TBC1D4: variants seen among roughly 807,000 people sequenced by gnomAD.
The protein encoded by TBC1D4 is TBC (Tre-2, BUB2, CDC16) domain-containing protein.
TBC1D4 carries 121 observed loss-of-function variants against 142.5 expected under a neutral mutation model. The observed-to-expected ratio is 0.85, with a 90% CI of 0.73 to 0.99. The LOEUF is 0.99. TBC1D4 is among the 50% of genes least tolerant of loss of function. The pLI is 0.00. For synonymous variants in TBC1D4, 630 were observed against 628.2 expected (o/e 1.00, Z -0.04); for missense variants, 1,475 against 1,606.6 (o/e 0.92, Z 1.40).
At chr13:75,458,795 G>A (rs954329099) in intron 1 of TBC1D4, among the ~76,000 whole-genome samples, 1 of 152,078 alleles carries the variant, frequency 6.6e-6, no homozygotes, top group Non-Finnish European at 1.5e-5. Context: ...AGACATAGGA[G>A]TTAGCTAATA....
At chr13:75,302,992 G>A (rs1474331939) in intron 15 of TBC1D4, among the ~76,000 whole-genome samples, 1 of 152,124 alleles carries the variant, frequency 6.6e-6, no homozygotes, top group South Asian at 2.1e-4. Context: ...TTATAATAGA[G>A]AATCAAATAG....
chr13:75,367,808 G>GA (rs1883007195), intron 1 of TBC1D4, among the ~76,000 whole-genome samples: 1 of 152,190 alleles, frequency 6.6e-6, no homozygotes. Flanking sequence ...AGCATTTTGA[G>GA]AAACGATTGA....
intron 13 of TBC1D4, 147 bp downstream of exon 13, chr13:75,312,591 A>G: frequency 9.4e-7 from 1 of 1,069,030 alleles, no homozygotes; most frequent in Non-Finnish European, 1.4e-6. Context: ...TTTTCTAATG[A>G]TACCTGAAAG....
At chr13:75,435,290 T>G (rs1886752775) in intron 1 of TBC1D4, among the ~76,000 whole-genome samples, 1 of 147,604 alleles carries the variant, frequency 6.8e-6, no homozygotes, top group Non-Finnish European at 1.5e-5. Context: ...ATCACGCCAC[T>G]GCACTCCAGC....
chr13:75,378,679 T>TA (rs5804807), intron 1 of TBC1D4, among the ~76,000 whole-genome samples: 40,407 of 151,932 alleles, frequency 0.27, 5,557 homozygotes, highest in East Asian at 0.34. Flanking sequence ...CTATCCAAGA[T>TA]AGGGCCTATT....
chr13:75,408,985 G>T (rs193301315), intron 1 of TBC1D4, among the ~76,000 whole-genome samples: 252 of 151,808 alleles, frequency 1.7e-3, no homozygotes, highest in Middle Eastern at 0.014. Flanking sequence ...ATATATGATT[G>T]CAAACTTACA....
chr13:75,327,727 G>C (rs1879388364), intron 9 of TBC1D4, 25 bp downstream of exon 9: 1 of 1,612,218 alleles, frequency 6.2e-7, no homozygotes, highest in Admixed American at 1.7e-5. Context: ...GTTGCAATTA[G>C]TGTAAACAAG....
At chr13:75,392,163 T>C (rs1238724851) in intron 1 of TBC1D4, among the ~76,000 whole-genome samples, 15 of 152,192 alleles carry the variant, frequency 9.9e-5, no homozygotes, top group Admixed American at 9.8e-4. Context: ...TTTCAACAAA[T>C]ATTTGCTGAA....
At chr13:75,473,118 C>T (rs1156830282) in intron 1 of TBC1D4, among the ~76,000 whole-genome samples, 2 of 152,318 alleles carry the variant, frequency 1.3e-5, no homozygotes, top group Admixed American at 6.5e-5. Context: ...CCTCAGCCTC[C>T]TCCTGGGTAG....
At chr13:75,346,335 C>T (rs1881146441) in intron 5 of TBC1D4, among the ~76,000 whole-genome samples, 1 of 150,502 alleles carries the variant, frequency 6.6e-6, no homozygotes, top group Non-Finnish European at 1.5e-5. Flanking sequence ...ATGTGATGTT[C>T]CCCTCCCTGT....
intron 1 of TBC1D4, among the ~76,000 whole-genome samples, chr13:75,381,105 T>C (rs938477431): frequency 6.6e-6 from 1 of 152,206 alleles, no homozygotes. Context: ...GCACCTAACA[T>C]TGTATCTAAC....
chr13:75,355,459 T>G (rs1319070097), intron 4 of TBC1D4, among the ~76,000 whole-genome samples: 1 of 152,194 alleles, frequency 6.6e-6, no homozygotes, highest in Non-Finnish European at 1.5e-5. Flanking sequence ...CCAATTACCT[T>G]GAACTCTGCA....
intron 18 of TBC1D4, 26 bp from the exon 19 acceptor site, chr13:75,292,297 G>T: frequency 6.3e-7 from 1 of 1,584,154 alleles, no homozygotes; most frequent in Non-Finnish European, 8.6e-7. Context: ...TAATTTTCAT[G>T]ATCAAAACTA....
chr13:75,353,834 A>G (rs1457462951), intron 4 of TBC1D4, among the ~76,000 whole-genome samples: 1 of 152,198 alleles, frequency 6.6e-6, no homozygotes, highest in Non-Finnish European at 1.5e-5. Context: ...CTTGAGGCTG[A>G]CATGGCTTCC....
chr13:75,317,853 C>CA (rs1349852395), intron 12 of TBC1D4, among the ~76,000 whole-genome samples: 1 of 152,132 alleles, frequency 6.6e-6, no homozygotes, highest in Admixed American at 6.5e-5. Flanking sequence ...AACACAAATT[C>CA]AGACTTCATA....
intron 1 of TBC1D4, among the ~76,000 whole-genome samples, chr13:75,363,101 TAAA>T (rs922474722): frequency 9.9e-5 from 15 of 152,086 alleles, no homozygotes; most frequent in African/African-American, 3.6e-4. Flanking sequence ...ATGGCTAAGA[TAAA>T]AAGAAGACTG....
intron 1 of TBC1D4, among the ~76,000 whole-genome samples, chr13:75,370,396 C>G (rs9530428): frequency 0.18 from 27,405 of 152,138 alleles, 3,008 homozygotes; most frequent in East Asian, 0.34. Context: ...AACCCTTTGG[C>G]TACTGTGTGG....
At chr13:75,370,930 G>A (rs1275596714) in intron 1 of TBC1D4, among the ~76,000 whole-genome samples, 1 of 152,130 alleles carries the variant, frequency 6.6e-6, no homozygotes, top group Non-Finnish European at 1.5e-5. Context: ...AAACACAGAG[G>A]GGGTTATCTC....
chr13:75,400,454 T>A (rs1002184274), intron 1 of TBC1D4, among the ~76,000 whole-genome samples: 2 of 99,614 alleles, frequency 2.0e-5, no homozygotes, highest in African/African-American at 7.7e-5. Flanking sequence ...TAACAGTAAA[T>A]TCATGCTTTT....
Sources: allele counts gnomAD v4.1 joint callset (sites outside exome capture counted in the v4.1 genomes callset), GRCh38; gene constraint gnomAD v4.1.1; transcripts MANE v1.5; gene names NCBI Gene and HGNC (gene_info 2026-07-23, HGNC 2026-07-21).